CPAMD8: variants seen among roughly 807,000 people sequenced by gnomAD.
CPAMD8 encodes C3 and PZP-like alpha-2-macroglobulin domain-containing protein 8.
A neutral mutation model predicts 224.7 loss-of-function variants in CPAMD8; 146 were observed. The ratio of observed to expected loss-of-function variants is 0.65; its 90% CI spans 0.57 to 0.75. The LOEUF is 0.75. CPAMD8 is among the 30% of genes least tolerant of loss of function. CPAMD8 has a pLI of 0.00. For synonymous variants in CPAMD8, 966 were observed against 1,044.6 expected (o/e 0.92, Z 1.45); for missense variants, 2,301 against 2,537.5 (o/e 0.91, Z 2.00).
chr19:16,903,941 T>A, intron 32 of CPAMD8, 84 bp from the exon 33 acceptor site: 1 of 1,375,698 alleles, frequency 7.3e-7, no homozygotes, highest in Non-Finnish European at 1.0e-6. Context: ...AAGCCTAGCC[T>A]AAAACAGGCA....
Position 16,904,244 on chromosome 19 carries a change from C to T in CPAMD8, c.4233G>A (p.Gly1411=), listed in dbSNP as rs1462018281. The change falls in exon 32 of 42, where the codon GGG becomes GGA. Residue 1411 remains glycine, a synonymous_variant. Coordinates refer to ENST00000443236, the MANE Select transcript of CPAMD8 (RefSeq NM_015692.5). ...GGCTCGCCTGAGTGGAGGAGAAGCC[C>T]CCAAGTGCATTTCGCTGCTGGGACA... ...KWLSQQRNAL[G]GFSSTQDTCV... The T allele has an allele frequency of 6.2e-7, 1 of 1,612,670 alleles. No individual in the cohort carries two copies. The highest frequency in any genetic ancestry group is 1.3e-5 in the African/African-American group (1 of 74,886).
chr19:16,948,827 GGAAGGGAGGAGAAGGGAAGA>G (rs2054192139), intron 20 of CPAMD8, among the ~76,000 whole-genome samples: 1 of 125,092 alleles, frequency 8.0e-6, no homozygotes, highest in Non-Finnish European at 1.7e-5. Context: ...GGAAGGGAAG[GGAAGGGAGGAGAAGGGAAGA>G]GAAGGGAAGG....
chr19:16,893,196 A>C lies in CPAMD8; in HGVS notation c.5570T>G (p.Leu1857Arg). 6.3e-7 allele frequency: 1 copy of C among 1,597,402 alleles called. No individual in the cohort carries two copies. The highest frequency in any genetic ancestry group is 8.6e-7 in the Non-Finnish European group (1 of 1,169,344). Residue 1857 changes from leucine to arginine, a missense_variant, in exon 42 of 42, where the codon CTT becomes CGT. Leu to Arg is a moderately radical substitution (Grantham distance 102, BLOSUM62 -2). This residue lies in a region of CPAMD8 where 1,709 missense variants were observed against 1,753.2 expected (regional missense o/e 0.97). Coordinates refer to ENST00000443236, the MANE Select transcript of CPAMD8 (RefSeq NM_015692.5). ...GCTGTAGACGAAGACAGGGCTCAGA[A>C]GCCCTGGCCTGTGGGCCCCCACCAC... ...GRVVGAHRPGLLSPVFVYSPA... is the reference protein window; with the variant it reads ...GRVVGAHRPGRLSPVFVYSPA...
At chr19:16,973,474 G>A (rs1190098791) in intron 17 of CPAMD8, among the ~76,000 whole-genome samples, 8 of 151,658 alleles carry the variant, frequency 5.3e-5, no homozygotes, top group African/African-American at 1.5e-4. Context: ...TTAGCCTCCC[G>A]AGTAGCTGGG....
intron 25 of CPAMD8, 109 bp downstream of exon 25, chr19:16,927,900 A>C (rs1599718131): frequency 1.3e-6 from 1 of 776,862 alleles, no homozygotes; most frequent in South Asian, 1.5e-5. Context: ...ATGGGTGGAC[A>C]CCCCAAGACA....
rs1294972099 is a variant in CPAMD8, at chr19:16,959,415, T to C, written c.2214-1500A>G. Among the ~76,000 whole-genome samples the C allele has an allele frequency of 3.9e-5, 6 of 152,140 alleles. No homozygotes were observed. In the South Asian group the frequency reaches 1.0e-3, roughly 26 times the overall value. On this transcript the variant is annotated intron_variant, in intron 18 of 41. Transcript: ENST00000443236. ...GTCTCAAACTCCCGACATCAAGTGA[T>C]CCACCCGCCTCGGCCTCCCAAAGTG...
At chr19:16,987,955 C>A (rs1050357008) in intron 13 of CPAMD8, among the ~76,000 whole-genome samples, 2 of 152,114 alleles carry the variant, frequency 1.3e-5, no homozygotes, top group Admixed American at 6.6e-5. Flanking sequence ...TGAGCCACCA[C>A]GCCCGGTCGG....
rs138959011 is a variant in CPAMD8, at chr19:16,952,425, A to C, written c.2277-225T>G. 8.4e-4 allele frequency among the ~76,000 whole-genome samples: 128 copies of C among 152,308 alleles called. 1 individual carries two copies. The Middle Eastern group carries it at 0.014, about 16-fold the overall frequency. ...GGGCGCAGTGGCTCATGCCTGTAAT[A>C]CCAGCACTCTGAGAGGCCGAGGTGG... On this transcript the variant is annotated intron_variant, in intron 19 of 41. Transcript: ENST00000443236.
At chr19:17,015,489 C>T (rs753476944) in intron 3 of CPAMD8, among the ~76,000 whole-genome samples, 2 of 152,220 alleles carry the variant, frequency 1.3e-5, no homozygotes, top group African/African-American at 4.8e-5. Context: ...ACACGGGGTC[C>T]GTCCCAGCCC....
chr19:16,986,645 G>A (rs1599850703), intron 13 of CPAMD8, among the ~76,000 whole-genome samples: 1 of 152,200 alleles, frequency 6.6e-6, no homozygotes, highest in East Asian at 1.9e-4. Context: ...CAGGGGCCTC[G>A]ATATGATCAG....
chr19:16,893,187 G>A lies in CPAMD8; in HGVS notation c.5579C>T (p.Pro1860Leu). The change falls in exon 42 of 42, where the codon CCT becomes CTT. Residue 1860 changes from proline (P) to leucine (L), a missense_variant. Pro to Leu is a moderately conservative substitution (Grantham distance 98). Transcript: ENST00000443236. ...AAAGGCTGGGCTGTAGACGAAGACA[G>A]GGCTCAGAAGCCCTGGCCTGTGGGC... ...VGAHRPGLLS[P>L]VFVYSPAFQS... The A allele has an allele frequency of 2.5e-6, 4 of 1,597,700 alleles. No individual in the cohort carries two copies. The highest frequency in any genetic ancestry group is 3.4e-6 in the Non-Finnish European group (4 of 1,168,850).
chr19:16,936,852 A>C (rs2053701186), intron 23 of CPAMD8, among the ~76,000 whole-genome samples: 1 of 152,158 alleles, frequency 6.6e-6, no homozygotes, highest in South Asian at 2.1e-4. Context: ...AACAGGGTTT[A>C]TTGTGGAGAA....
intron 21 of CPAMD8, 144 bp downstream of exon 21, chr19:16,946,930 G>C: frequency 2.6e-6 from 2 of 775,338 alleles, no homozygotes; most frequent in Non-Finnish European, 3.9e-6. Context: ...TGTCCTGCTT[G>C]CCCCAGTTGC....
intron 10 of CPAMD8, among the ~76,000 whole-genome samples, chr19:16,999,026 T>C (rs2056224930): frequency 6.6e-6 from 1 of 152,188 alleles, no homozygotes; most frequent in South Asian, 2.1e-4. Flanking sequence ...TTGATCATGC[T>C]ACGATGTAGA....
At chr19:17,014,183 C>G (rs1353752061) in intron 3 of CPAMD8, among the ~76,000 whole-genome samples, 1 of 152,164 alleles carries the variant, frequency 6.6e-6, no homozygotes, top group Non-Finnish European at 1.5e-5. Context: ...TACTGAGAAG[C>G]CAGGACTGCA....
intron 41 of CPAMD8, chr19:16,894,576 T>A (rs2227360): frequency 0.3 from 126,947 of 429,188 alleles, 19,999 homozygotes; most frequent in Non-Finnish European, 0.34. Flanking sequence ...CCCAACTGGA[T>A]GGGGGACACA....
chr19:16,894,419 G>A (rs1452033960), intron 41 of CPAMD8: 1 of 456,714 alleles, frequency 2.2e-6, no homozygotes. Context: ...GCAGCCGTTA[G>A]GAAGAGAAGC....
At chr19:17,006,317 G>C (rs2056490836) in intron 7 of CPAMD8, among the ~76,000 whole-genome samples, 1 of 152,010 alleles carries the variant, frequency 6.6e-6, no homozygotes, top group Non-Finnish European at 1.5e-5. Context: ...GTGCTCTTAA[G>C]ATCAAGTCAG....
rs555519945 is a variant in CPAMD8 at position 17,000,673 on chromosome 19, C to T, written c.759-151G>A. ...CCTGCATCCTGTCCTGACAGCCCTCCCTGCAGCCTGGAATCGGGACAGAAG... is the reference window on the plus strand; with the variant it reads ...CCTGCATCCTGTCCTGACAGCCCTCTCTGCAGCCTGGAATCGGGACAGAAG... On this transcript the variant is annotated intron_variant, in intron 9 of 41. Coordinates refer to ENST00000443236, the MANE Select transcript of CPAMD8 (RefSeq NM_015692.5). 6 of 551,734 alleles carry T rather than the reference C, an allele frequency of 1.1e-5. No homozygotes were observed. The South Asian group carries it at 1.5e-4, about 14-fold the overall frequency. The allele number at this position is 551,734 out of a possible 1,614,324, so 34.2% of individuals were successfully genotyped here.
Sources: allele counts gnomAD v4.1 joint callset (sites outside exome capture counted in the v4.1 genomes callset), GRCh38; gene constraint gnomAD v4.1.1; regional missense constraint gnomAD v4.1.1; transcripts MANE v1.5; gene names NCBI Gene and HGNC (gene_info 2026-07-23, HGNC 2026-07-21).